Variants in ITK observed in about 807,000 individuals in gnomAD.
ITK encodes IL2 inducible T cell kinase, also known as tyrosine-protein kinase ITK/TSK.
A neutral mutation model predicts 87.6 loss-of-function variants in ITK; 45 were observed. The observed-to-expected ratio is 0.51, with a 90% CI of 0.40 to 0.66. The LOEUF is 0.66. ITK is among the 30% of genes least tolerant of loss of function. The pLI is 0.00. For synonymous variants in ITK, 303 were observed against 273.6 expected, an observed-to-expected ratio of 1.11 and a Z score of -1.06; for missense variants, 605 against 766.3, an observed-to-expected ratio of 0.79 and a Z score of 2.48.
chr5:157,206,453 T>C (rs797013150), intron 1 of ITK, among the ~76,000 whole-genome samples: 18 of 152,314 alleles, frequency 1.2e-4, no homozygotes, highest in African/African-American at 4.3e-4. Flanking sequence ...ATGGTTTCAG[T>C]AGGAATTACA....
intron 11 of ITK, among the ~76,000 whole-genome samples, chr5:157,243,301 A>G (rs1322299536): frequency 3.9e-5 from 6 of 152,244 alleles, no homozygotes; most frequent in Non-Finnish European, 8.8e-5. Flanking sequence ...GATCAGCTCA[A>G]TGAAATTTAC....
chr5:157,223,136 A>C, intron 6 of ITK, 122 bp downstream of exon 6: 2 of 1,226,126 alleles, frequency 1.6e-6, no homozygotes, highest in Non-Finnish European at 2.4e-6. Context: ...AGAAGAGAGC[A>C]GAGGCAGAAG....
intron 1 of ITK, among the ~76,000 whole-genome samples, chr5:157,205,981 T>C (rs1468435165): frequency 2.0e-5 from 3 of 149,278 alleles, no homozygotes; most frequent in Admixed American, 2.0e-4. Context: ...TAGCCTTTTT[T>C]TTTTTTTTTT....
chr5:157,195,685 T>C (rs535536713), intron 1 of ITK: 8 of 152,200 alleles, frequency 5.3e-5, no homozygotes, highest in Admixed American at 1.3e-4. Context: ...TAATAAACAT[T>C]CTTCTTTTCT....
At chr5:157,216,984 T>C (rs1182217217) in intron 4 of ITK, among the ~76,000 whole-genome samples, 1 of 152,132 alleles carries the variant, frequency 6.6e-6, no homozygotes, top group Non-Finnish European at 1.5e-5. Context: ...GAACTCATCG[T>C]CTACCTATGC....
At chr5:157,219,069 C>T (rs1407838674) in intron 5 of ITK, among the ~76,000 whole-genome samples, 1 of 150,718 alleles carries the variant, frequency 6.6e-6, no homozygotes, top group East Asian at 1.9e-4. Context: ...GGGAATATGA[C>T]CCTGACCTTA....
At chr5:157,189,899 G>A (rs1464693574) in intron 1 of ITK, among the ~76,000 whole-genome samples, 1 of 152,108 alleles carries the variant, frequency 6.6e-6, no homozygotes, top group Non-Finnish European at 1.5e-5. Flanking sequence ...TGAATTATGA[G>A]GCCTACTGGA....
intron 1 of ITK, among the ~76,000 whole-genome samples, chr5:157,207,420 G>A (rs927498267): frequency 1.1e-5 from 1 of 94,192 alleles, no homozygotes; most frequent in Non-Finnish European, 2.0e-5. Context: ...TTGCTCTGTC[G>A]CCCAGGCTGG....
In ITK at chr5:157,217,919, C is replaced by T. The variant is rs376728021; in HGVS notation, c.495+12C>T. On this transcript the variant is annotated intron_variant, in intron 5 of 16. Transcript: ENST00000422843. ...CTGAAGACAACAGGGTGAGTGAGAG[C>T]GCTAGCTCCGGGTGCAGGTGGGCCC... 222 of 1,612,454 alleles carry T rather than the reference C, an allele frequency of 1.4e-4. 1 individual carries two copies. Among genetic ancestry groups the T allele is most frequent in the Middle Eastern group, 1.7e-4 (1 of 6,032 alleles).
chr5:157,187,331 A>G (rs1012511481), intron 1 of ITK, among the ~76,000 whole-genome samples: 1 of 152,258 alleles, frequency 6.6e-6, no homozygotes, highest in African/African-American at 2.4e-5. Context: ...AGTGTCTACA[A>G]GAGTGTCTGG....
intron 15 of ITK, among the ~76,000 whole-genome samples, chr5:157,247,608 G>C (rs1399999614): frequency 2.6e-5 from 4 of 152,166 alleles, no homozygotes; most frequent in African/African-American, 4.8e-5. Context: ...ATTAGTCCCT[G>C]TCTAGGATAT....
chr5:157,240,051 A>G lies in ITK; in HGVS notation c.852-11A>G. 1 of 1,610,930 alleles carries G rather than the reference A, an allele frequency of 6.2e-7. No individual in the cohort carries two copies. The highest frequency in any genetic ancestry group is 8.5e-7 in the Non-Finnish European group (1 of 1,177,240). On this transcript the variant is annotated splice_polypyrimidine_tract_variant and intron_variant, in intron 9 of 16. Coordinates refer to ENST00000422843, the MANE Select transcript of ITK (RefSeq NM_005546.4). ...TTAATAATCATTACATTTGTGTTTC[A>G]TTTGTTTAAGTGAGAACAATCCCTG...
At chr5:157,243,939 A>G (rs956959143) in intron 12 of ITK, 145 bp downstream of exon 12, 9 of 797,402 alleles carry the variant, frequency 1.1e-5, no homozygotes, top group Non-Finnish European at 1.9e-5. Flanking sequence ...AATACAATCA[A>G]ACTCTTCACA....
intron 3 of ITK, 126 bp from the exon 4 acceptor site, chr5:157,214,065 T>C (rs1345449194): frequency 1.3e-6 from 1 of 797,668 alleles, no homozygotes; most frequent in African/African-American, 1.7e-5. Flanking sequence ...CCCATGCTTC[T>C]GAGTGGTCTG....
intron 9 of ITK, 118 bp from the exon 10 acceptor site, chr5:157,239,944 T>A: frequency 2.0e-6 from 2 of 1,011,832 alleles, no homozygotes; most frequent in Non-Finnish European, 1.5e-6. Context: ...TTGAACAATA[T>A]CTGCCACCTT....
At position 157,241,626 on chromosome 5, in the gene ITK, T is replaced by G; in HGVS notation, c.986-20T>G. 6.2e-7 allele frequency: 1 copy of G among 1,601,352 alleles called. No individual in the cohort carries two copies. The highest frequency in any genetic ancestry group is 8.6e-7 in the Non-Finnish European group (1 of 1,168,334). On this transcript the variant is annotated intron_variant, in intron 10 of 16. Transcript: ENST00000422843. Reference sequence around the variant, plus strand: ...GAGCAAAGCCCTAACCACTGCTTCTTGGCTTTTCAATCAACCCAGGCCTGG... The same window carrying G: ...GAGCAAAGCCCTAACCACTGCTTCTGGGCTTTTCAATCAACCCAGGCCTGG...
intron 7 of ITK, among the ~76,000 whole-genome samples, chr5:157,232,073 A>T (rs1754668821): frequency 6.6e-6 from 1 of 152,370 alleles, no homozygotes. Context: ...AACAATGATC[A>T]GTATTTTGCC....
chr5:157,219,302 C>T (rs246749), intron 5 of ITK, among the ~76,000 whole-genome samples: 258 of 151,608 alleles, frequency 1.7e-3, no homozygotes, highest in African/African-American at 5.6e-3. Context: ...TAATAGAGAC[C>T]GACTTTTACC....
rs1421908099 is a variant in ITK, at chr5:157,241,694, C to T, written c.1034C>T (p.Ala345Val). The change falls in exon 11 of 17, where the codon GCC becomes GTC. Residue 345 changes from alanine (A) to valine (V), a missense_variant. By Grantham distance (64) the Ala-to-Val change is moderately conservative. Transcript: ENST00000422843. Reference sequence around the variant, plus strand: ...CCAGTTTGTTTTGGGAGGCAGAAAGCCCCAGTTACAGCAGGGCTGAGATAC... The same window carrying T: ...CCAGTTTGTTTTGGGAGGCAGAAAGTCCCAGTTACAGCAGGGCTGAGATAC... Reference protein sequence around the residue: ...RYPVCFGRQKAPVTAGLRYGK... With the variant: ...RYPVCFGRQKVPVTAGLRYGK... 2.5e-6 allele frequency: 4 copies of T among 1,613,536 alleles called. No homozygotes were observed. The Admixed American group carries it at 5.0e-5, about 20-fold the overall frequency.
Sources: allele counts gnomAD v4.1 joint callset (sites outside exome capture counted in the v4.1 genomes callset), GRCh38; gene constraint gnomAD v4.1.1; transcripts MANE v1.5; gene names NCBI Gene and HGNC (gene_info 2026-07-23, HGNC 2026-07-21).